Variants in ADAMTS18 observed in about 807,000 individuals in gnomAD.
ADAMTS18 encodes the protein ADAM metallopeptidase with thrombospondin type 1 motif 18.
ADAMTS18 carries 157 observed loss-of-function variants against 165.9 expected under a neutral mutation model. The ratio of observed to expected loss-of-function variants is 0.95; its 90% CI spans 0.83 to 1.08. The LOEUF is 1.08. Ranked by LOEUF, ADAMTS18 falls within the 50% of genes least tolerant of loss-of-function variation. The probability of loss-of-function intolerance (pLI) is 0.00; values close to 1 mark genes in which losing one functional copy is unlikely to be tolerated. For missense variants in ADAMTS18, 2,040 were observed against 1,534.0 expected, an observed-to-expected ratio of 1.33 and a Z score of -5.51; for synonymous variants, 782 against 578.2, an observed-to-expected ratio of 1.35 and a Z score of -5.06.
chr16:77,307,725 G>A (rs2055706664), intron 16 of ADAMTS18, among the ~76,000 whole-genome samples: 1 of 152,042 alleles, frequency 6.6e-6, no homozygotes, highest in Non-Finnish European at 1.5e-5. Context: ...TGCTTCTTTT[G>A]TGTCTTGTGT....
At chr16:77,325,124 T>C (rs1313320661) in intron 13 of ADAMTS18, among the ~76,000 whole-genome samples, 3 of 152,176 alleles carry the variant, frequency 2.0e-5, no homozygotes, top group African/African-American at 7.2e-5. Flanking sequence ...TTAAACTTAG[T>C]CTCTTTCCAT....
intron 12 of ADAMTS18, among the ~76,000 whole-genome samples, chr16:77,333,957 C>A (rs1448174741): frequency 2.9e-5 from 4 of 135,816 alleles, no homozygotes; most frequent in Non-Finnish European, 1.5e-5. Flanking sequence ...GTCATATATA[C>A]TATATATAAT....
chr16:77,398,372 AAGAG>A (rs981434236), intron 3 of ADAMTS18, among the ~76,000 whole-genome samples: 3 of 151,932 alleles, frequency 2.0e-5, no homozygotes, highest in Admixed American at 6.6e-5. Context: ...GAGAAAGAGA[AAGAG>A]AGAGAGAAGA....
At chr16:77,367,372 C>T in intron 4 of ADAMTS18, 69 bp downstream of exon 4, 1 of 1,594,528 alleles carries the variant, frequency 6.3e-7, no homozygotes, top group Non-Finnish European at 8.6e-7. Flanking sequence ...GCTTGTACAC[C>T]CAACAGCACT....
intron 3 of ADAMTS18, among the ~76,000 whole-genome samples, chr16:77,403,834 CT>C (rs2057360862): frequency 6.6e-6 from 1 of 152,086 alleles, no homozygotes; most frequent in Non-Finnish European, 1.5e-5. Flanking sequence ...AAATAAGTAA[CT>C]TGAAAGGAAG....
Position 77,359,526 on chromosome 16 carries a change from G to C in ADAMTS18, c.1217-103C>G, listed in dbSNP as rs2056680677. 12 of 854,368 alleles carry C rather than the reference G, an allele frequency of 1.4e-5. No individual in the cohort carries two copies. In the South Asian group the frequency reaches 1.6e-4, roughly 12 times the overall value. The allele number at this position is 854,368 out of a possible 1,614,324, so 52.9% of individuals were successfully genotyped here. A position where few individuals can be genotyped will look rare whatever the true frequency, so the allele number is the denominator to read the frequency against. ...TGTTCTACACAGTTTTAGTTTAATA[G>C]ATCAATGCATTCAGTGTTTTTGGAA... is the stretch of plus-strand genomic sequence containing the variant. On this transcript the variant is annotated intron_variant, in intron 7 of 22. Transcript: ENST00000282849.
At chr16:77,291,914 A>G (rs757476098) in intron 20 of ADAMTS18, among the ~76,000 whole-genome samples, 18 of 152,234 alleles carry the variant, frequency 1.2e-4, no homozygotes, top group Non-Finnish European at 2.5e-4. Flanking sequence ...GCTTAATGGG[A>G]AAAACCACTG....
At chr16:77,411,110 T>C (rs567237256) in intron 3 of ADAMTS18, among the ~76,000 whole-genome samples, 1 of 152,276 alleles carries the variant, frequency 6.6e-6, no homozygotes, top group East Asian at 1.9e-4. Flanking sequence ...GCAGCAATGA[T>C]TTATTGTGAT....
intron 16 of ADAMTS18, among the ~76,000 whole-genome samples, chr16:77,311,976 C>G (rs184631631): frequency 6.6e-6 from 1 of 152,222 alleles, no homozygotes; most frequent in East Asian, 1.9e-4. Context: ...TGCTGTAGTT[C>G]TTATTCTTTT....
Position 77,414,015 on chromosome 16 carries a change from G to C in ADAMTS18, c.495+17280C>G, listed in dbSNP as rs556375551. Among the ~76,000 whole-genome samples, 39 of 152,262 alleles carry C rather than the reference G, an allele frequency of 2.6e-4. No homozygotes were observed. The South Asian group carries it at 7.9e-3, about 31-fold the overall frequency. On this transcript the variant is annotated intron_variant, in intron 3 of 22. Coordinates refer to ENST00000282849, the MANE Select transcript of ADAMTS18 (RefSeq NM_199355.4). ...CTATACAACTACATAGAAATATGAT[G>C]ACATAGAAATTTCTGCATAGAAACT...
At chr16:77,339,229 A>G (rs1264527240) in intron 11 of ADAMTS18, among the ~76,000 whole-genome samples, 3 of 151,646 alleles carry the variant, frequency 2.0e-5, no homozygotes, top group African/African-American at 7.2e-5. Flanking sequence ...ATCTGAGGAA[A>G]CCGTATATGA....
chr16:77,344,674 C>CGTA (rs1396300437), intron 10 of ADAMTS18, among the ~76,000 whole-genome samples: 1 of 151,836 alleles, frequency 6.6e-6, no homozygotes, highest in African/African-American at 2.4e-5. Context: ...GGCTAGCTGT[C>CGTA]GTAGCCAATG....
At chr16:77,385,497 G>A (rs567720352) in intron 3 of ADAMTS18, among the ~76,000 whole-genome samples, 1 of 152,164 alleles carries the variant, frequency 6.6e-6, no homozygotes, top group Admixed American at 6.5e-5. Flanking sequence ...CAAGGCTGCT[G>A]GCTTGCTGAT....
intron 22 of ADAMTS18, among the ~76,000 whole-genome samples, chr16:77,287,576 C>G (rs2055278067): frequency 6.6e-6 from 1 of 152,030 alleles, no homozygotes; most frequent in African/African-American, 2.4e-5. Flanking sequence ...CTCCTGGGTT[C>G]AAGAGATCCT....
In ADAMTS18 at chr16:77,405,822, A is replaced by T. The variant is rs1248739446; in HGVS notation, c.495+25473T>A. On this transcript the variant is annotated intron_variant, in intron 3 of 22. Transcript: ENST00000282849. Reference sequence around the variant, plus strand: ...CTGGTATCTCTCCCTCTTCTTATAAAGACACACTGGTCCTATCAGATTAGA... The same window carrying T: ...CTGGTATCTCTCCCTCTTCTTATAATGACACACTGGTCCTATCAGATTAGA... Among the ~76,000 whole-genome samples, 3 of 152,148 alleles carry T rather than the reference A, an allele frequency of 2.0e-5. No individual in the cohort carries two copies. In the East Asian group the frequency reaches 5.8e-4, roughly 29 times the overall value.
Position 77,291,433 on chromosome 16 carries a change from A to C in ADAMTS18, c.3235T>G (p.Cys1079Gly). The change falls in exon 21 of 23, where the codon TGC becomes GGC. Residue 1079 changes from cysteine (C) to glycine (G), a missense_variant. Transcript: ENST00000282849. ...TTTCCCTGGAAGCCCTTCTCGCTGC[A>C]CTTCATCTCCCTCTTCCTCACACCC... ...GLGVRKREMK[C>G]SEKGFQGKLI... The C allele has an allele frequency of 6.2e-7, 1 of 1,614,148 alleles. No homozygotes were observed. Among genetic ancestry groups the C allele is most frequent in the Non-Finnish European group, 8.5e-7 (1 of 1,180,020 alleles).
intron 3 of ADAMTS18, among the ~76,000 whole-genome samples, chr16:77,389,998 T>G (rs1567534454): frequency 6.6e-6 from 1 of 152,288 alleles, no homozygotes; most frequent in Middle Eastern, 3.4e-3. Context: ...ATTCTACAAC[T>G]TGGAATAAAA....
chr16:77,432,763 C>A, intron 2 of ADAMTS18, among the ~76,000 whole-genome samples: 1 of 128,888 alleles, frequency 7.8e-6, no homozygotes, highest in Non-Finnish European at 1.8e-5. Flanking sequence ...CCTTCCCCCT[C>A]CTCCAATAAA....
At chr16:77,408,471 A>G (rs1033283081) in intron 3 of ADAMTS18, among the ~76,000 whole-genome samples, 1 of 152,136 alleles carries the variant, frequency 6.6e-6, no homozygotes, top group Non-Finnish European at 1.5e-5. Flanking sequence ...CAACAAAAAA[A>G]TAGATAAATA....
Sources: allele counts gnomAD v4.1 joint callset (sites outside exome capture counted in the v4.1 genomes callset), GRCh38; gene constraint gnomAD v4.1.1; transcripts MANE v1.5; gene names NCBI Gene and HGNC (gene_info 2026-07-23, HGNC 2026-07-21).